The following TBC1D31 variants were observed in gnomAD, a reference collection of about 807,000 sequenced individuals.
TBC1D31 encodes the protein TBC1 domain family member 31.
Under a neutral mutation model 132.9 loss-of-function variants are expected in TBC1D31, and 99 were observed. That is an observed-to-expected ratio of 0.74 (90% confidence interval 0.63 to 0.88). The LOEUF (loss-of-function observed/expected upper bound fraction) is 0.88. TBC1D31 is among the 40% of genes least tolerant of loss of function. The pLI is 0.00. For missense variants in TBC1D31, 1,134 were observed against 1,256.6 expected, an observed-to-expected ratio of 0.90 and a Z score of 1.48; for synonymous variants, 385 against 419.4, an observed-to-expected ratio of 0.92 and a Z score of 1.00.
chr8:123,163,418 GC>G, the TBC1D31 span, among the ~76,000 whole-genome samples: 1 of 135,072 alleles, frequency 7.4e-6, no homozygotes, highest in East Asian at 2.3e-4. Flanking sequence ...AGGCTGGAGT[GC>G]AGTGGTGTGA....
At chr8:123,114,316 T>TG (rs748454194) in intron 10 of TBC1D31, among the ~76,000 whole-genome samples, 3,660 of 145,696 alleles carry the variant, frequency 0.025, 58 homozygotes, top group Non-Finnish European at 0.038. Context: ...TTTGTTTGTT[T>TG]TTTGTTGTTG....
chr8:123,073,321 T>C (rs2130561173), intron 1 of TBC1D31: 1 of 457,016 alleles, frequency 2.2e-6, no homozygotes, highest in East Asian at 6.9e-5. Flanking sequence ...CGCACAAGCA[T>C]TCATCAACTA....
At chr8:123,126,362 G>A in intron 12 of TBC1D31, 146 bp from the exon 13 acceptor site, 2 of 1,158,688 alleles carry the variant, frequency 1.7e-6, no homozygotes, top group South Asian at 3.4e-5. Context: ...AGTCTGTAAA[G>A]AAGGGTCCAA....
At chr8:123,125,051 A>G (rs1008521290) in intron 11 of TBC1D31, among the ~76,000 whole-genome samples, 1 of 152,200 alleles carries the variant, frequency 6.6e-6, no homozygotes, top group Non-Finnish European at 1.5e-5. Context: ...TAAATAATCA[A>G]TAATAAGTGA....
chr8:123,144,653 C>T (rs1356218103), intron 19 of TBC1D31, 64 bp from the exon 20 acceptor site: 1 of 1,455,996 alleles, frequency 6.9e-7, no homozygotes, highest in Non-Finnish European at 9.3e-7. Context: ...GTGGCTCATT[C>T]CACTGTGAAA....
chr8:123,118,491 G>A lies in TBC1D31; in HGVS notation c.1437-1564G>A, dbSNP rs572991140. Among the ~76,000 whole-genome samples, 6 of 152,256 alleles carry A rather than the reference G, an allele frequency of 3.9e-5. No homozygotes were observed. The South Asian group carries it at 1.2e-3, about 32-fold the overall frequency. Reference sequence around the variant, plus strand: ...CCAGAGGTAATGAAGGCCTTTCTGAGTATGACATATCCAGAAGAGGTTGAT... The same window carrying A: ...CCAGAGGTAATGAAGGCCTTTCTGAATATGACATATCCAGAAGAGGTTGAT... On this transcript the variant is annotated intron_variant, in intron 10 of 21. Coordinates refer to ENST00000287380, the MANE Select transcript of TBC1D31 (RefSeq NM_145647.4).
chr8:123,157,063 C>T (rs193117236), downstream of TBC1D31, among the ~76,000 whole-genome samples: 2 of 152,364 alleles, frequency 1.3e-5, no homozygotes, highest in Non-Finnish European at 1.5e-5. Flanking sequence ...CCTGGACACT[C>T]GGGCCGCAGT....
At chr8:123,082,584 C>A in intron 2 of TBC1D31, 118 bp from the exon 3 acceptor site, 1 of 667,234 alleles carries the variant, frequency 1.5e-6, no homozygotes, top group Non-Finnish European at 2.5e-6. Flanking sequence ...CTATTTTTGG[C>A]CTAAAATGGT....
chr8:123,093,646 T>C lies in TBC1D31; in HGVS notation c.575T>C (p.Ile192Thr), dbSNP rs765593354. 7.4e-6 allele frequency: 12 copies of C among 1,611,448 alleles called. No homozygotes were observed. Among genetic ancestry groups the C allele is most frequent in the Non-Finnish European group, 9.3e-6 (11 of 1,178,228 alleles). The change falls in exon 5 of 22, where the codon ATT (isoleucine) becomes ACT (threonine). Residue 192 changes from isoleucine (I) to threonine (T), a missense_variant. Physicochemically the swap from Ile to Thr is moderately conservative, Grantham distance 89. Transcript: ENST00000287380. ...CTCAGCTGTTTTAAAGATAATTCCA[T>C]TTTTGCCTGGGAATGTGACACACTT... ...TILSCFKDNS[I>T]FAWECDTLFC... is the part of the protein sequence containing the mutation.
In TBC1D31 at chr8:123,128,381, T is replaced by C. The variant is rs970087618; in HGVS notation, c.1985T>C (p.Met662Thr). The C allele has an allele frequency of 3.7e-6, 6 of 1,613,382 alleles. No homozygotes were observed. Among genetic ancestry groups the C allele is most frequent in the Admixed American group, 1.7e-5 (1 of 60,012 alleles). The change falls in exon 14 of 22, where the codon ATG (methionine) becomes ACG (threonine). Residue 662 changes from methionine (M) to threonine (T), a missense_variant. By Grantham distance (81) the Met-to-Thr change is moderately conservative. Coordinates refer to ENST00000287380, the MANE Select transcript of TBC1D31 (RefSeq NM_145647.4). ...TTPTDIHPDS[M>T]LNVFVALTKG... ...CCTACTGACATTCATCCAGACAGCA[T>C]GCTTAATGTTTTTGTTGCACTGACA...
chr8:123,139,555 C>T (rs944176226), intron 17 of TBC1D31, among the ~76,000 whole-genome samples: 73 of 152,134 alleles, frequency 4.8e-4, no homozygotes, highest in African/African-American at 1.5e-3. Context: ...TGTTAGGGCA[C>T]GCCTTTATCA....
chr8:123,092,043 T>A (rs544849705), intron 4 of TBC1D31, among the ~76,000 whole-genome samples: 1 of 152,312 alleles, frequency 6.6e-6, no homozygotes, highest in African/African-American at 2.4e-5. Context: ...AGATGGAGTT[T>A]CACTCTTGTT....
rs1316671667 is a variant in TBC1D31 at position 123,151,791 on chromosome 8, A to C, written c.3068-15A>C. On this transcript the variant is annotated splice_polypyrimidine_tract_variant and intron_variant, in intron 21 of 21. Transcript: ENST00000287380. The stretch of plus-strand genomic sequence containing the variant: ...GAAAACTCAGCTTTTCTAAATTTTA[A>C]ATTTCGTTTTCAAGTTTCTTTAAAT... 6 of 1,546,954 alleles carry C rather than the reference A, an allele frequency of 3.9e-6. No individual in the cohort carries two copies. In the Admixed American group the frequency reaches 1.4e-4, roughly 37 times the overall value.
In TBC1D31 at chr8:123,151,274, A is replaced by T. The variant is rs188171083; in HGVS notation, c.3068-532A>T. Among the ~76,000 whole-genome samples, 24 of 152,300 alleles carry T rather than the reference A, an allele frequency of 1.6e-4. No homozygotes were observed. In the East Asian group the frequency reaches 3.7e-3, roughly 23 times the overall value. On this transcript the variant is annotated intron_variant, in intron 21 of 21. Transcript: ENST00000287380. ...GAGAAGTATATTTTTAAGGGCTTTT[A>T]AAAAAAATTTCAGTGTTCACTAGCC... is the stretch of plus-strand genomic sequence containing the variant.
At chr8:123,134,260 G>C (rs1477185707) in intron 17 of TBC1D31, 54 bp downstream of exon 17, 11 of 1,397,186 alleles carry the variant, frequency 7.9e-6, no homozygotes, top group Non-Finnish European at 1.0e-5. Flanking sequence ...CAGGCTCAGT[G>C]GCTCAAACCT....
At chr8:123,163,740 A>AT in the TBC1D31 span, among the ~76,000 whole-genome samples, 1 of 152,188 alleles carries the variant, frequency 6.6e-6, no homozygotes, top group Non-Finnish European at 1.5e-5. Context: ...TACATGGATA[A>AT]GTTCTTTAGT....
chr8:123,141,912 G>A (rs1189077335), intron 18 of TBC1D31, among the ~76,000 whole-genome samples: 1 of 132,584 alleles, frequency 7.5e-6, no homozygotes, highest in African/African-American at 2.9e-5. Flanking sequence ...CCAGGCTGGA[G>A]TGCAGTGGCA....
intron 8 of TBC1D31, among the ~76,000 whole-genome samples, chr8:123,107,008 A>G (rs1327417352): frequency 2.0e-5 from 3 of 152,172 alleles, no homozygotes; most frequent in Non-Finnish European, 2.9e-5. Context: ...AGGGAAATTT[A>G]TTAGAGACCT....
intron 20 of TBC1D31, among the ~76,000 whole-genome samples, chr8:123,148,354 C>A (rs1160743215): frequency 6.6e-6 from 1 of 152,050 alleles, no homozygotes; most frequent in African/African-American, 2.4e-5. Flanking sequence ...GTTGTTTGAA[C>A]AGAGATAATA....
Sources: allele counts gnomAD v4.1 joint callset (sites outside exome capture counted in the v4.1 genomes callset), GRCh38; gene constraint gnomAD v4.1.1; transcripts MANE v1.5; gene names NCBI Gene and HGNC (gene_info 2026-07-23, HGNC 2026-07-21).